KSR2: variants seen among roughly 807,000 people sequenced by gnomAD.
The protein encoded by KSR2 is kinase suppressor of ras 2.
A neutral mutation model predicts 107.8 loss-of-function variants in KSR2; 25 were observed. That is an observed-to-expected ratio of 0.23 (90% CI 0.17 to 0.32). The LOEUF (loss-of-function observed/expected upper bound fraction) is 0.32. KSR2 is among the 10% of genes least tolerant of loss of function. The pLI, the probability that KSR2 is intolerant of heterozygous loss-of-function variation, is 1.00. For synonymous variants in KSR2, 480 were observed against 507.0 expected (o/e 0.95, Z 0.71); for missense variants, 887 against 1,268.9 (o/e 0.70, Z 4.57).
chr12:117,761,049 G>A lies in KSR2; in HGVS notation c.948C>T (p.Phe316=). The A allele has an allele frequency of 6.2e-7, 1 of 1,613,782 alleles. No individual in the cohort carries two copies. The highest frequency in any genetic ancestry group is 1.7e-5 in the Admixed American group (1 of 60,016). ...TALHRSKSHE[F]QLGHRVDEAH... is the part of the protein sequence containing the mutation. ...CCTCGTCCACGCGGTGCCCCAGCTG[G>A]AACTCGTGGGATTTGCTCCGATGCA... Residue 316 remains phenylalanine (F), a synonymous_variant, in exon 4 of 20, where the codon TTC becomes TTT. Transcript: ENST00000339824.
intron 5 of KSR2, among the ~76,000 whole-genome samples, chr12:117,648,099 G>A (rs1883733181): frequency 6.6e-6 from 1 of 152,018 alleles, no homozygotes; most frequent in South Asian, 2.1e-4. Flanking sequence ...ACAAACTGGT[G>A]GCCCCATATA....
chr12:117,745,513 C>G (rs1445295032), intron 4 of KSR2, among the ~76,000 whole-genome samples: 1 of 152,018 alleles, frequency 6.6e-6, no homozygotes, highest in Non-Finnish European at 1.5e-5. Flanking sequence ...CAAAATAACT[C>G]ATTTTAAAAA....
intron 1 of KSR2, among the ~76,000 whole-genome samples, chr12:117,956,547 G>A (rs767570078): frequency 8.5e-5 from 13 of 152,128 alleles, no homozygotes; most frequent in Middle Eastern, 6.8e-3. Context: ...CAGCCTGGGC[G>A]ACAGAGCAAG....
chr12:117,921,668 C>G (rs1010255855), intron 1 of KSR2, among the ~76,000 whole-genome samples: 1 of 152,162 alleles, frequency 6.6e-6, no homozygotes, highest in Non-Finnish European at 1.5e-5. Context: ...GATACTACCC[C>G]CTCAGAGCTG....
chr12:117,719,120 G>A (rs899907566), intron 4 of KSR2, among the ~76,000 whole-genome samples: 4 of 152,156 alleles, frequency 2.6e-5, no homozygotes, highest in South Asian at 2.1e-4. Flanking sequence ...AACCTTAAAC[G>A]TAGATTCATT....
chr12:117,788,332 G>A (rs1328631059), intron 3 of KSR2, among the ~76,000 whole-genome samples: 3 of 152,160 alleles, frequency 2.0e-5, no homozygotes, highest in Non-Finnish European at 2.9e-5. Context: ...CCACTTGCTG[G>A]GAGATTGGAC....
intron 4 of KSR2, among the ~76,000 whole-genome samples, chr12:117,673,430 T>C (rs1884994389): frequency 6.7e-6 from 1 of 149,132 alleles, no homozygotes; most frequent in South Asian, 2.1e-4. Context: ...TGGAGAAGAA[T>C]GGGAGAATGG....
chr12:117,848,724 AG>A (rs1431059807), intron 3 of KSR2, among the ~76,000 whole-genome samples: 2 of 129,812 alleles, frequency 1.5e-5, no homozygotes, highest in Non-Finnish European at 3.6e-5. Context: ...AGCTGGGGGA[AG>A]AAAAAGGCTG....
At chr12:117,550,586 G>A (rs946477061) in intron 9 of KSR2, among the ~76,000 whole-genome samples, 1 of 152,200 alleles carries the variant, frequency 6.6e-6, no homozygotes, top group Non-Finnish European at 1.5e-5. Context: ...AGGAAGAAGA[G>A]CAGAGAGCAT....
At chr12:117,476,978 T>C (rs950169728) in intron 16 of KSR2, among the ~76,000 whole-genome samples, 10 of 152,216 alleles carry the variant, frequency 6.6e-5, no homozygotes, top group African/African-American at 2.2e-4. Context: ...CCCCCTCACA[T>C]AGTTTATAAT....
At chr12:117,527,613 A>G (rs16947684) in intron 12 of KSR2, among the ~76,000 whole-genome samples, 4,960 of 152,262 alleles carry the variant, frequency 0.033, 284 homozygotes, top group African/African-American at 0.11. Flanking sequence ...TCATTCATGC[A>G]TTCATGCGAC....
rs963493756 is a variant in KSR2, at chr12:117,683,940, T to C, written c.987-16282A>G. Reference sequence around the variant, plus strand: ...ATGTGTAAGTGAACACGTATGACCATGTTCCGATAAAGCTATTTACAAAAA... The same window carrying C: ...ATGTGTAAGTGAACACGTATGACCACGTTCCGATAAAGCTATTTACAAAAA... On this transcript the variant is annotated intron_variant, in intron 4 of 19. Transcript: ENST00000339824. 3.9e-5 allele frequency among the ~76,000 whole-genome samples: 6 copies of C among 152,236 alleles called. No individual in the cohort carries two copies. The East Asian group carries it at 1.2e-3, about 29-fold the overall frequency.
rs775020464 is a variant in KSR2, at chr12:117,471,195, A to T, written c.2708T>A (p.Ile903Asn). Residue 903 changes from isoleucine (I) to asparagine (N), a missense_variant, in exon 18 of 20, where the codon ATC becomes AAC. Coordinates refer to ENST00000339824, the MANE Select transcript of KSR2 (RefSeq NM_173598.6). The stretch of plus-strand genomic sequence containing the variant: ...TGGACCTATCTTGGGACTTACCGAG[A>T]TTTCTTTTCCCATGCCAATCTGGCT... ...NLSQIGMGKE[I>N]SDILLFCWAF... The T allele has an allele frequency of 6.2e-7, 1 of 1,613,574 alleles. No homozygotes were observed. Among genetic ancestry groups the T allele is most frequent in the Non-Finnish European group, 8.5e-7 (1 of 1,179,806 alleles).
chr12:117,850,696 G>A (rs1892888704), intron 3 of KSR2, among the ~76,000 whole-genome samples: 1 of 151,934 alleles, frequency 6.6e-6, no homozygotes, highest in Non-Finnish European at 1.5e-5. Context: ...TGTAGTCCTA[G>A]CTACCCAGGA....
rs1283512968 is a variant in KSR2, at chr12:117,485,613, A to C, written c.2298T>G (p.Ile766Met). The C allele has an allele frequency of 1.2e-6, 2 of 1,613,528 alleles. No individual in the cohort carries two copies. The highest frequency in any genetic ancestry group is 1.7e-6 in the Non-Finnish European group (2 of 1,179,486). ...ACAGTACCTTCACAATTTCTTGAGC[A>C]ATCTGCCTGGTTTTGTTGACATCCA... The part of the protein sequence containing the change: ...IVLDVNKTRQ[I>M]AQEIVKGMGY... The change falls in exon 15 of 20, where the codon ATT becomes ATG. Residue 766 changes from isoleucine to methionine, a missense_variant. By Grantham distance (10) the Ile-to-Met change is conservative. Around this residue, in one of 8 missense-constraint regions of KSR2, gnomAD observed 308 missense variants for 506.2 expected, o/e 0.61. Coordinates refer to ENST00000339824, the MANE Select transcript of KSR2 (RefSeq NM_173598.6).
chr12:117,766,882 T>C (rs75130387), intron 3 of KSR2, among the ~76,000 whole-genome samples: 1 of 14,450 alleles, frequency 6.9e-5, no homozygotes, highest in African/African-American at 4.3e-4. Context: ...TTTTTCGGGA[T>C]GGGGCGGGGG....
intron 12 of KSR2, 84 bp downstream of exon 12, chr12:117,530,857 G>A (rs1323339373): frequency 4.2e-6 from 5 of 1,197,408 alleles, no homozygotes; most frequent in Admixed American, 1.8e-5. Flanking sequence ...GGAAGAGAAG[G>A]AAAGAAGATA....
At chr12:117,737,549 G>A (rs1431280157) in intron 4 of KSR2, among the ~76,000 whole-genome samples, 4 of 152,038 alleles carry the variant, frequency 2.6e-5, no homozygotes, top group Non-Finnish European at 2.9e-5. Flanking sequence ...TTGGGAGGCC[G>A]AGGCAGCCAG....
At chr12:117,786,319 AT>A (rs971624848) in intron 3 of KSR2, among the ~76,000 whole-genome samples, 4 of 151,538 alleles carry the variant, frequency 2.6e-5, no homozygotes, top group East Asian at 1.9e-4. Context: ...CATATTTTTT[AT>A]TTTTTTTATT....
Sources: gnomAD v4.1 joint callset for allele counts (sites outside exome capture counted in the v4.1 genomes callset) on GRCh38, gnomAD v4.1.1 for gene constraint, gnomAD v4.1.1 regional missense constraint, MANE v1.5 for transcripts, NCBI Gene and HGNC (gene_info 2026-07-23, HGNC 2026-07-21) for gene names.